ZNF804B: variants seen among roughly 807,000 people sequenced by gnomAD.
The protein encoded by ZNF804B is zinc finger 804B.
A neutral mutation model predicts 101.4 loss-of-function variants in ZNF804B; 80 were observed. The ratio of observed to expected loss-of-function variants is 0.79; its 90% CI spans 0.66 to 0.95. The LOEUF is 0.95. Ranked by LOEUF, ZNF804B falls within the 40% of genes least tolerant of loss-of-function variation. ZNF804B has a pLI of 0.00. For missense variants in ZNF804B, 1,673 were observed against 1,561.9 expected (o/e 1.07, Z -1.20); for synonymous variants, 622 against 558.8 (o/e 1.11, Z -1.59).
At chr7:88,793,199 CT>C (rs1471654133) in intron 1 of ZNF804B, among the ~76,000 whole-genome samples, 2 of 152,014 alleles carry the variant, frequency 1.3e-5, no homozygotes. Flanking sequence ...AAGCTAAAAA[CT>C]TTTAAACAAT....
At chr7:88,990,111 A>G (rs538672933) in intron 1 of ZNF804B, among the ~76,000 whole-genome samples, 1 of 152,046 alleles carries the variant, frequency 6.6e-6, no homozygotes, top group South Asian at 2.1e-4. Context: ...AAATATTAGG[A>G]TGATACTATG....
chr7:88,828,574 C>G (rs1256679773), intron 1 of ZNF804B, among the ~76,000 whole-genome samples: 1 of 152,048 alleles, frequency 6.6e-6, no homozygotes, highest in Non-Finnish European at 1.5e-5. Context: ...GGAAGAGTGC[C>G]TGGCCACATA....
chr7:89,126,511 G>C (rs1790475750), intron 1 of ZNF804B, among the ~76,000 whole-genome samples: 1 of 151,772 alleles, frequency 6.6e-6, no homozygotes, highest in African/African-American at 2.4e-5. Flanking sequence ...AATATACTTT[G>C]GAACTTCTTC....
At chr7:89,229,542 A>C (rs1789155555) in intron 2 of ZNF804B, among the ~76,000 whole-genome samples, 1 of 152,222 alleles carries the variant, frequency 6.6e-6, no homozygotes, top group South Asian at 2.1e-4. Flanking sequence ...TTCAACTCAC[A>C]ACAGAGCATG....
At position 89,335,946 on chromosome 7, in the gene ZNF804B, G is replaced by T; in HGVS notation, c.2964G>T (p.Glu988Asp). The stretch of plus-strand genomic sequence containing the variant: ...CTGAAAAAATACAGTATGCAAGTGA[G>T]AGCAGAAATGATCAAGACAGTGCAA... ...PLSEKIQYAS[E>D]SRNDQDSAIP... The change falls in exon 4 of 4, where the codon GAG becomes GAT. Residue 988 changes from glutamate to aspartate, a missense_variant. Coordinates refer to ENST00000333190, the MANE Select transcript of ZNF804B (RefSeq NM_181646.5). 4 of 1,614,016 alleles carry T rather than the reference G, an allele frequency of 2.5e-6. No individual in the cohort carries two copies. Among genetic ancestry groups the T allele is most frequent in the Non-Finnish European group, 3.4e-6 (4 of 1,179,958 alleles).
chr7:89,329,814 G>T (rs1231856773), intron 3 of ZNF804B, among the ~76,000 whole-genome samples: 2 of 151,416 alleles, frequency 1.3e-5, no homozygotes, highest in Non-Finnish European at 3.0e-5. Flanking sequence ...TTTTTAAGTG[G>T]TGTCATTTCT....
chr7:88,928,512 G>T (rs1474035701), intron 1 of ZNF804B, among the ~76,000 whole-genome samples: 4 of 152,138 alleles, frequency 2.6e-5, no homozygotes, highest in Non-Finnish European at 5.9e-5. Flanking sequence ...AAAAGCCCTA[G>T]ATATGATACA....
intron 1 of ZNF804B, among the ~76,000 whole-genome samples, chr7:88,979,110 G>A (rs531524379): frequency 6.6e-6 from 1 of 151,780 alleles, no homozygotes; most frequent in African/African-American, 2.4e-5. Context: ...ACATTTATTG[G>A]TTCTATTTAT....
intron 1 of ZNF804B, among the ~76,000 whole-genome samples, chr7:88,881,384 C>A (rs1792027685): frequency 6.6e-6 from 1 of 152,026 alleles, no homozygotes; most frequent in African/African-American, 2.4e-5. Context: ...CTTCTAGGTG[C>A]CCACCCCACA....
At chr7:89,201,601 C>G (rs996810835) in intron 1 of ZNF804B, among the ~76,000 whole-genome samples, 3 of 151,970 alleles carry the variant, frequency 2.0e-5, no homozygotes, top group African/African-American at 7.2e-5. Context: ...AGGATCATAA[C>G]TACTACCTAA....
chr7:88,888,016 T>TG (rs145062291), intron 1 of ZNF804B, among the ~76,000 whole-genome samples: 1 of 152,344 alleles, frequency 6.6e-6, no homozygotes, highest in East Asian at 1.9e-4. Context: ...GCTCTATAGT[T>TG]GCAGTTATAT....
intron 1 of ZNF804B, among the ~76,000 whole-genome samples, chr7:89,185,021 A>C (rs1342880441): frequency 1.3e-5 from 2 of 152,192 alleles, no homozygotes; most frequent in African/African-American, 2.4e-5. Flanking sequence ...ATCAATGATA[A>C]GTATCCATTA....
chr7:89,089,729 T>C (rs889874456), intron 1 of ZNF804B, among the ~76,000 whole-genome samples: 1 of 152,118 alleles, frequency 6.6e-6, no homozygotes, highest in African/African-American at 2.4e-5. Flanking sequence ...TTTAGTTTGA[T>C]ACTTGCCTGA....
chr7:88,957,547 A>G (rs745704437), intron 1 of ZNF804B, among the ~76,000 whole-genome samples: 37 of 151,396 alleles, frequency 2.4e-4, no homozygotes, highest in Non-Finnish European at 3.6e-4. Flanking sequence ...TTCAAGGTCT[A>G]TAATAAGTAG....
chr7:89,116,018 C>T (rs1353887087), intron 1 of ZNF804B, among the ~76,000 whole-genome samples: 1 of 151,792 alleles, frequency 6.6e-6, no homozygotes, highest in Non-Finnish European at 1.5e-5. Flanking sequence ...GATTCTCCCA[C>T]CTCAGCCTCC....
chr7:89,101,767 T>G (rs1790058906), intron 1 of ZNF804B, among the ~76,000 whole-genome samples: 1 of 152,012 alleles, frequency 6.6e-6, no homozygotes, highest in Admixed American at 6.6e-5. Context: ...GGATATTACA[T>G]GCTTAATGGT....
intron 1 of ZNF804B, among the ~76,000 whole-genome samples, chr7:88,953,278 C>G (rs1793252642): frequency 6.6e-6 from 1 of 151,690 alleles, no homozygotes; most frequent in Non-Finnish European, 1.5e-5. Context: ...ATGTCAAACT[C>G]ATTCCTTGTT....
chr7:89,225,486 A>G (rs2115724026), intron 2 of ZNF804B, among the ~76,000 whole-genome samples: 1 of 152,252 alleles, frequency 6.6e-6, no homozygotes, highest in East Asian at 1.9e-4. Flanking sequence ...GTGTCTCTAG[A>G]ACTTAGAGCA....
Position 88,815,957 on chromosome 7 carries a change from G to C in ZNF804B, c.108+55873G>C, listed in dbSNP as rs114758823. On this transcript the variant is annotated intron_variant, in intron 1 of 3. Coordinates refer to ENST00000333190, the MANE Select transcript of ZNF804B (RefSeq NM_181646.5). ...AATGTGGACACTTTCCACCCTTCTT[G>C]GTTTCTGTCACCCCGTACCAGGCCT... Among the ~76,000 whole-genome samples, 153 of 152,150 alleles carry C rather than the reference G, an allele frequency of 1.0e-3. 2 individuals are homozygous for C. The highest frequency in any genetic ancestry group is 3.6e-3 in the African/African-American group (150 of 41,512).
Sources: allele counts gnomAD v4.1 joint callset (sites outside exome capture counted in the v4.1 genomes callset), GRCh38; gene constraint gnomAD v4.1.1; transcripts MANE v1.5; gene names NCBI Gene and HGNC (gene_info 2026-07-23, HGNC 2026-07-21).